The following MAF variants were observed in gnomAD, a reference collection of about 807,000 sequenced individuals.
MAF encodes the protein MAF bZIP transcription factor, also known as transcription factor Maf.
A neutral mutation model predicts 22.0 loss-of-function variants in MAF; 10 were observed. The ratio of observed to expected loss-of-function variants is 0.45; its 90% confidence interval spans 0.28 to 0.77. The LOEUF is 0.77. MAF is among the 30% of genes least tolerant of loss of function. The pLI is 0.12. For missense variants in MAF, 544 were observed against 548.4 expected, an observed-to-expected ratio of 0.99 and a Z score of 0.08; for synonymous variants, 337 against 255.8, an observed-to-expected ratio of 1.32 and a Z score of -3.03.
At chr16:79,458,109 A>AGTGTGTGT in the MAF span, among the ~76,000 whole-genome samples, 3,885 of 136,368 alleles carry the variant, frequency 0.028, 76 homozygotes, top group South Asian at 0.044. Context: ...GGTATGTATA[A>AGTGTGTGT]GTGTGTGTGT....
chr16:79,214,235 G>A, the MAF span, among the ~76,000 whole-genome samples: 105 of 152,046 alleles, frequency 6.9e-4, no homozygotes, highest in African/African-American at 2.5e-3. Context: ...CCCACTATAA[G>A]AAACTCCATG....
At chr16:79,456,442 G>A in the MAF span, among the ~76,000 whole-genome samples, 2 of 152,134 alleles carry the variant, frequency 1.3e-5, no homozygotes, top group Non-Finnish European at 2.9e-5. Context: ...CTTCTTAACA[G>A]GTCCAAGGAA....
At chr16:79,259,310 TC>T in the MAF span, among the ~76,000 whole-genome samples, 1 of 151,996 alleles carries the variant, frequency 6.6e-6, no homozygotes, top group Non-Finnish European at 1.5e-5. Context: ...AAAACTGGCC[TC>T]CTCCCCACTC....
chr16:79,226,465 T>C, the MAF span, among the ~76,000 whole-genome samples: 28 of 151,486 alleles, frequency 1.8e-4, no homozygotes, highest in East Asian at 3.3e-3. Context: ...CACCATGGCA[T>C]GTGTATACCT....
chr16:79,372,845 G>C, the MAF span, among the ~76,000 whole-genome samples: 3 of 152,268 alleles, frequency 2.0e-5, no homozygotes, highest in South Asian at 2.1e-4. Context: ...TTTCCTTTCA[G>C]ACACTCATAC....
the MAF span, among the ~76,000 whole-genome samples, chr16:79,256,149 A>ATT: frequency 4.2e-5 from 6 of 144,402 alleles, no homozygotes; most frequent in Non-Finnish European, 9.2e-5. Context: ...GCCCAGCTAA[A>ATT]TTTTTTTTTT....
the MAF span, among the ~76,000 whole-genome samples, chr16:79,330,287 G>C: frequency 1.3e-5 from 2 of 152,202 alleles, no homozygotes; most frequent in Non-Finnish European, 2.9e-5. Flanking sequence ...TGTGTATGTG[G>C]TAGATATGTT....
the MAF span, among the ~76,000 whole-genome samples, chr16:79,446,743 T>A: frequency 3.4e-4 from 33 of 96,412 alleles, no homozygotes; most frequent in Admixed American, 3.0e-3. Flanking sequence ...GAGACACCCA[T>A]CTCTAAAAAA....
the MAF span, among the ~76,000 whole-genome samples, chr16:79,376,369 T>G: frequency 2.0e-5 from 3 of 152,132 alleles, no homozygotes; most frequent in Non-Finnish European, 2.9e-5. Context: ...AGTTTCATTA[T>G]TTTAAAATTT....
the MAF span, among the ~76,000 whole-genome samples, chr16:79,306,732 G>C: frequency 6.6e-6 from 1 of 152,050 alleles, no homozygotes; most frequent in Non-Finnish European, 1.5e-5. Flanking sequence ...TTCTTATCTT[G>C]GGCTGGGCAA....
At chr16:79,354,040 G>T in the MAF span, among the ~76,000 whole-genome samples, 1 of 151,948 alleles carries the variant, frequency 6.6e-6, no homozygotes, top group African/African-American at 2.4e-5. Flanking sequence ...CCATCACCCA[G>T]GCTGGAGTGC....
the MAF span, among the ~76,000 whole-genome samples, chr16:79,459,800 G>A: frequency 2.6e-5 from 4 of 152,160 alleles, no homozygotes; most frequent in Non-Finnish European, 5.9e-5. Context: ...CTGGACTCAA[G>A]TGATCTGCCT....
the MAF span, among the ~76,000 whole-genome samples, chr16:79,418,009 G>A: frequency 6.6e-6 from 1 of 152,120 alleles, no homozygotes; most frequent in African/African-American, 2.4e-5. Flanking sequence ...CTGGCCTTGT[G>A]CAAGAGGCAA....
the MAF span, among the ~76,000 whole-genome samples, chr16:79,391,810 C>T: frequency 6.6e-6 from 1 of 151,298 alleles, no homozygotes; most frequent in African/African-American, 2.4e-5. Context: ...AAATGTGTCC[C>T]CCTTTCCCAG....
the MAF span, among the ~76,000 whole-genome samples, chr16:79,369,367 G>T: frequency 6.6e-6 from 1 of 152,160 alleles, no homozygotes; most frequent in African/African-American, 2.4e-5. Flanking sequence ...CTTCAAGCCT[G>T]TCTCATCCCA....
At chr16:79,597,423 T>G (rs992167526) in intron 1 of MAF, 26 of 1,029,720 alleles carry the variant, frequency 2.5e-5, no homozygotes, top group Non-Finnish European at 3.0e-5. Flanking sequence ...AAAAAATAAA[T>G]TTTAGACTGC....
chr16:79,273,591 G>A, the MAF span, among the ~76,000 whole-genome samples: 1 of 152,144 alleles, frequency 6.6e-6, no homozygotes, highest in Non-Finnish European at 1.5e-5. Flanking sequence ...AGCTTCTAGA[G>A]GCTGCAACAT....
chr16:79,229,367 G>C, the MAF span: 1 of 151,814 alleles, frequency 6.6e-6, no homozygotes, highest in African/African-American at 2.4e-5. Context: ...GCATTGTGCA[G>C]GGTGTCTCTT....
At chr16:79,383,829 C>T in the MAF span, among the ~76,000 whole-genome samples, 1 of 152,048 alleles carries the variant, frequency 6.6e-6, no homozygotes, top group African/African-American at 2.4e-5. Context: ...CAAAAAGAGC[C>T]TTATAGTTTA....
Sources: allele counts gnomAD v4.1 joint callset (sites outside exome capture counted in the v4.1 genomes callset), GRCh38; gene constraint gnomAD v4.1.1; transcripts MANE v1.5; gene names NCBI Gene and HGNC (gene_info 2026-07-23, HGNC 2026-07-21).